The following PKN2 variants were observed in gnomAD, a reference collection of about 807,000 sequenced individuals.
PKN2 encodes protein kinase N2.
PKN2 carries 38 observed loss-of-function variants against 119.1 expected under a neutral mutation model. The observed-to-expected ratio is 0.32, with a 90% CI of 0.25 to 0.42. The LOEUF is 0.42. Ranked by LOEUF, PKN2 falls within the 10% of genes least tolerant of loss-of-function variation. PKN2 has a pLI of 1.00. For missense variants in PKN2, 850 were observed against 1,165.1 expected (o/e 0.73, Z 3.94); for synonymous variants, 390 against 384.9 (o/e 1.01, Z -0.15).
chr1:88,702,226 TG>T (rs1485518219), intron 1 of PKN2, among the ~76,000 whole-genome samples: 1 of 152,204 alleles, frequency 6.6e-6, no homozygotes, highest in Non-Finnish European at 1.5e-5. Context: ...CCCAAAGTGC[TG>T]GGATTACAGG....
At position 88,813,604 on chromosome 1, in the gene PKN2, A is replaced by G; in HGVS notation, c.2150A>G (p.His717Arg). The change falls in exon 16 of 22, where the codon CAT (histidine) becomes CGT (arginine). Residue 717 changes from histidine (H) to arginine (R), a missense_variant. By Grantham distance (29) the His-to-Arg change is conservative. Transcript: ENST00000370521. ...RIFETVNSVR[H>R]PFLVNLFACF... Reference sequence around the variant, plus strand: ...TTTGAAACTGTGAATAGTGTAAGGCATCCCTTTTTGGTGAACCTTTTTGCA... The same window carrying G: ...TTTGAAACTGTGAATAGTGTAAGGCGTCCCTTTTTGGTGAACCTTTTTGCA... 6.2e-7 allele frequency: 1 copy of G among 1,609,910 alleles called. No homozygotes were observed. The highest frequency in any genetic ancestry group is 8.5e-7 in the Non-Finnish European group (1 of 1,178,484).
intron 6 of PKN2, 105 bp downstream of exon 6, chr1:88,771,984 TAA>T (rs1669913956): frequency 7.0e-6 from 5 of 709,700 alleles, no homozygotes; most frequent in Non-Finnish European, 1.2e-5. Context: ...AAAATTATGA[TAA>T]GATACACATA....
Position 88,805,943 on chromosome 1 carries a change from G to A in PKN2, c.1729G>A (p.Ala577Thr), listed in dbSNP as rs1671519158. ...DFDLEPEPPP[A>T]PPRASSLGEI... ...TGATCTTGAGCCTGAACCTCCTCCA[G>A]CCCCACCACGAGCTTCTTCTCTTGG... The change falls in exon 12 of 22, where the codon GCC becomes ACC. Residue 577 changes from alanine to threonine, a missense_variant. Physicochemically the swap from Ala to Thr is moderately conservative, Grantham distance 58. This residue lies in a region of PKN2 where 216 missense variants were observed against 252.8 expected (regional missense o/e 0.85). Coordinates refer to ENST00000370521, the MANE Select transcript of PKN2 (RefSeq NM_006256.4). 1 of 1,613,494 alleles carries A rather than the reference G, an allele frequency of 6.2e-7. No homozygotes were observed. Among genetic ancestry groups the A allele is most frequent in the Non-Finnish European group, 8.5e-7 (1 of 1,179,618 alleles).
intron 17 of PKN2, among the ~76,000 whole-genome samples, chr1:88,822,440 G>A (rs185665545): frequency 6.6e-6 from 1 of 152,254 alleles, no homozygotes; most frequent in Non-Finnish European, 1.5e-5. Flanking sequence ...GTGTATTGGT[G>A]ATGTAGCTGA....
At chr1:88,720,467 T>C (rs1156663997) in intron 1 of PKN2, among the ~76,000 whole-genome samples, 2 of 152,154 alleles carry the variant, frequency 1.3e-5, no homozygotes, top group Non-Finnish European at 2.9e-5. Flanking sequence ...TATTGTTGTC[T>C]TCAGAACCAG....
rs981137779 is a variant in PKN2, at chr1:88,684,422, A to C, written c.-159A>C. On this transcript the variant is annotated 5_prime_UTR_variant, in exon 1 of 22. It removes the in-frame stop codon of an upstream open reading frame in the 5' UTR. Transcript: ENST00000370521. The stretch of plus-strand genomic sequence containing the variant: ...CCGCTCTCGATGAACCGGACGGAAT[A>C]AGCCGCGCCTCCAGCAGGGGCTGCG... 1.5e-4 allele frequency: 91 copies of C among 623,794 alleles called. No homozygotes were observed. The highest frequency in any genetic ancestry group is 1.5e-4 in the Non-Finnish European group (56 of 376,756). The allele number at this position is 623,794 out of a possible 1,614,324, so 38.6% of individuals were successfully genotyped here.
intron 1 of PKN2, among the ~76,000 whole-genome samples, chr1:88,702,958 T>G (rs1666831186): frequency 6.6e-6 from 1 of 152,206 alleles, no homozygotes; most frequent in African/African-American, 2.4e-5. Flanking sequence ...AAACTTTTAA[T>G]GAATTAAAAT....
intron 1 of PKN2, among the ~76,000 whole-genome samples, chr1:88,727,653 A>G (rs1316433551): frequency 1.3e-5 from 2 of 152,014 alleles, no homozygotes; most frequent in Admixed American, 1.3e-4. Flanking sequence ...TTAGAATTCC[A>G]TTTTGATTTC....
chr1:88,722,309 C>G (rs945252790), intron 1 of PKN2, among the ~76,000 whole-genome samples: 4 of 152,150 alleles, frequency 2.6e-5, no homozygotes, highest in Admixed American at 6.5e-5. Context: ...TGGAAAGGAA[C>G]AATGACTTGT....
At chr1:88,829,050 GGGAAACTAC>G in intron 19 of PKN2, 1 of 651,808 alleles carries the variant, frequency 1.5e-6, no homozygotes. Flanking sequence ...TTGCTTCACC[GGGAAACTAC>G]TGAAGTTCCT....
intron 7 of PKN2, 27 bp downstream of exon 7, chr1:88,784,851 A>T (rs1473478853): frequency 1.3e-6 from 2 of 1,485,010 alleles, no homozygotes; most frequent in Non-Finnish European, 1.8e-6. Context: ...TTTAAAAATC[A>T]TGTAACAAAC....
chr1:88,768,902 C>T (rs973955665), intron 3 of PKN2, among the ~76,000 whole-genome samples: 1 of 152,090 alleles, frequency 6.6e-6, no homozygotes, highest in African/African-American at 2.4e-5. Flanking sequence ...AGCTTACAGT[C>T]GTGATGGAAG....
chr1:88,793,532 G>A (rs1670933622), intron 8 of PKN2, among the ~76,000 whole-genome samples: 1 of 151,740 alleles, frequency 6.6e-6, no homozygotes, highest in South Asian at 2.1e-4. Flanking sequence ...TGAACATCAG[G>A]TACTCTCTGA....
chr1:88,707,326 C>A (rs1170719614), intron 1 of PKN2, among the ~76,000 whole-genome samples: 2 of 151,956 alleles, frequency 1.3e-5, no homozygotes, highest in Admixed American at 6.6e-5. Context: ...TCATTATATT[C>A]TTTTACAAGT....
chr1:88,783,037 T>C (rs1054106893), intron 6 of PKN2, among the ~76,000 whole-genome samples: 34 of 152,330 alleles, frequency 2.2e-4, no homozygotes, highest in African/African-American at 8.2e-4. Flanking sequence ...GGCAAGACTC[T>C]TCTGGATATT....
At chr1:88,811,325 A>G (rs925606263) in intron 15 of PKN2, among the ~76,000 whole-genome samples, 3 of 152,210 alleles carry the variant, frequency 2.0e-5, no homozygotes, top group Non-Finnish European at 4.4e-5. Flanking sequence ...GGTTTTATTA[A>G]TGATGTTTTC....
rs1394389542 is a variant in PKN2, at chr1:88,832,657, G to C, written c.2563-87G>C. ...TTTTGTCTGTTTTTTCTTTTTCACT[G>C]CCTGGATCTTGGTTGTACTTTGAAT... On this transcript the variant is annotated intron_variant, in intron 19 of 21. Transcript: ENST00000370521. The C allele has an allele frequency of 5.9e-6, 4 of 672,824 alleles. No individual in the cohort carries two copies. In the Middle Eastern group the frequency reaches 1.0e-3, roughly 173 times the overall value. The allele number at this position is 672,824 out of a possible 1,614,324, so 41.7% of individuals were successfully genotyped here.
intron 8 of PKN2, among the ~76,000 whole-genome samples, chr1:88,795,624 G>GTT (rs1337530715): frequency 1.3e-5 from 2 of 152,158 alleles, no homozygotes; most frequent in African/African-American, 4.8e-5. Flanking sequence ...ATTTTAGAGA[G>GTT]TACTGAGGTT....
At chr1:88,714,770 C>G (rs548147783) in intron 1 of PKN2, among the ~76,000 whole-genome samples, 1 of 152,268 alleles carries the variant, frequency 6.6e-6, no homozygotes, top group South Asian at 2.1e-4. Flanking sequence ...TTCTTTCTTT[C>G]TCCTGCCTGA....
Sources: gnomAD v4.1 joint callset for allele counts (sites outside exome capture counted in the v4.1 genomes callset) on GRCh38, gnomAD v4.1.1 for gene constraint, gnomAD v4.1.1 regional missense constraint, MANE v1.5 for transcripts, NCBI Gene and HGNC (gene_info 2026-07-23, HGNC 2026-07-21) for gene names.